Variants in AKR1C8 observed in about 807,000 individuals in gnomAD.
AKR1C8 encodes aldo-keto reductase family 1 member C-like protein 1.
At chr10:5,121,598 C>T in the AKR1C8 span, among the ~76,000 whole-genome samples, 2 of 151,990 alleles carry the variant, frequency 1.3e-5, no homozygotes, top group African/African-American at 4.8e-5. Context: ...GACATGGAAG[C>T]AGGGCCCACT....
At chr10:5,118,621 G>A in the AKR1C8 span, among the ~76,000 whole-genome samples, 18 of 152,240 alleles carry the variant, frequency 1.2e-4, no homozygotes, top group Admixed American at 7.2e-4. Context: ...AGGAAAAGAG[G>A]ATTGACATAT....
chr10:5,135,460 T>A, the AKR1C8 span, among the ~76,000 whole-genome samples: 1 of 152,152 alleles, frequency 6.6e-6, no homozygotes, highest in Non-Finnish European at 1.5e-5. Flanking sequence ...TTTAATATAG[T>A]CAGAATAAAA....
chr10:5,160,278 T>C, the AKR1C8 span, among the ~76,000 whole-genome samples: 37,079 of 151,948 alleles, frequency 0.24, 4,706 homozygotes, highest in African/African-American at 0.28. Flanking sequence ...TGGCTTGAGA[T>C]ATGCAATAGT....
the AKR1C8 span, among the ~76,000 whole-genome samples, chr10:5,116,026 C>T: frequency 6.6e-6 from 1 of 152,084 alleles, no homozygotes; most frequent in African/African-American, 2.4e-5. Context: ...GGTGGAGTGA[C>T]CCAAACCTTC....
At chr10:5,149,613 T>C in the AKR1C8 span, among the ~76,000 whole-genome samples, 1 of 152,140 alleles carries the variant, frequency 6.6e-6, no homozygotes, top group Non-Finnish European at 1.5e-5. Flanking sequence ...TAAGAAACCC[T>C]GTAGATGGAA....
At chr10:5,150,337 G>A in the AKR1C8 span, among the ~76,000 whole-genome samples, 1 of 151,832 alleles carries the variant, frequency 6.6e-6, no homozygotes, top group South Asian at 2.1e-4. Flanking sequence ...CATGATCAAA[G>A]ACACAATTGA....
At chr10:5,156,189 G>T in the AKR1C8 span, among the ~76,000 whole-genome samples, 4 of 152,078 alleles carry the variant, frequency 2.6e-5, no homozygotes, top group Non-Finnish European at 5.9e-5. Flanking sequence ...TAGAACACAG[G>T]AAACTCCCAC....
At chr10:5,128,962 C>A in the AKR1C8 span, among the ~76,000 whole-genome samples, 1 of 151,882 alleles carries the variant, frequency 6.6e-6, no homozygotes, top group Admixed American at 6.6e-5. Context: ...ACATTCTACC[C>A]GCCAACTGCG....
At chr10:5,152,155 A>G in the AKR1C8 span, among the ~76,000 whole-genome samples, 2,585 of 152,334 alleles carry the variant, frequency 0.017, 68 homozygotes, top group African/African-American at 0.058. Context: ...ATTTGAAAGC[A>G]CTAGTTTGGG....
chr10:5,122,116 T>C, the AKR1C8 span: 4 of 377,696 alleles, frequency 1.1e-5, no homozygotes, highest in Non-Finnish European at 2.2e-5. Flanking sequence ...AGATTTCCGT[T>C]GAGGCTGTCA....
At chr10:5,122,161 CA>C in the AKR1C8 span, 4 of 394,866 alleles carry the variant, frequency 1.0e-5, no homozygotes, top group Admixed American at 2.9e-5. Context: ...AACTCAAAGT[CA>C]AAAACCTGAA....
the AKR1C8 span, among the ~76,000 whole-genome samples, chr10:5,119,913 C>G: frequency 9.9e-5 from 15 of 152,184 alleles, no homozygotes; most frequent in Non-Finnish European, 2.1e-4. Flanking sequence ...ACATGTATCT[C>G]TAATATCTAG....
the AKR1C8 span, among the ~76,000 whole-genome samples, chr10:5,176,021 C>T: frequency 1.3e-5 from 2 of 151,822 alleles, no homozygotes; most frequent in Non-Finnish European, 2.9e-5. Context: ...GTTGCCATTG[C>T]TTTTGGTGTT....
chr10:5,144,002 C>G, the AKR1C8 span, among the ~76,000 whole-genome samples: 1 of 151,984 alleles, frequency 6.6e-6, no homozygotes, highest in Non-Finnish European at 1.5e-5. Context: ...CCATATTCCA[C>G]AATTTGCAAA....
At chr10:5,139,074 A>G in the AKR1C8 span, among the ~76,000 whole-genome samples, 1 of 152,298 alleles carries the variant, frequency 6.6e-6, no homozygotes, top group Non-Finnish European at 1.5e-5. Context: ...AAGAGAATAA[A>G]ATACCTAGGA....
At chr10:5,134,842 C>G in the AKR1C8 span, among the ~76,000 whole-genome samples, 1 of 152,108 alleles carries the variant, frequency 6.6e-6, no homozygotes, top group African/African-American at 2.4e-5. Context: ...AAAGGAAATG[C>G]CAGGCAGCGT....
the AKR1C8 span, among the ~76,000 whole-genome samples, chr10:5,126,970 TAGA>T: frequency 0.012 from 1,880 of 152,116 alleles, 16 homozygotes; most frequent in Admixed American, 0.018. Flanking sequence ...CAAGAACAAG[TAGA>T]AGAAGTAGTC....
At chr10:5,169,669 T>C in the AKR1C8 span, among the ~76,000 whole-genome samples, 1 of 152,042 alleles carries the variant, frequency 6.6e-6, no homozygotes, top group Admixed American at 6.6e-5. Context: ...ACTGAGATTA[T>C]CTATCAGATA....
the AKR1C8 span, among the ~76,000 whole-genome samples, chr10:5,166,952 AC>A: frequency 1.3e-5 from 2 of 150,180 alleles, no homozygotes; most frequent in African/African-American, 4.9e-5. Flanking sequence ...GAAAAAAAAA[AC>A]CCATCAAAAA....
Sources: allele counts gnomAD v4.1 joint callset (sites outside exome capture counted in the v4.1 genomes callset), GRCh38; gene constraint gnomAD v4.1.1; transcripts MANE v1.5; gene names NCBI Gene and HGNC (gene_info 2026-07-23, HGNC 2026-07-21).